ADAMTS6: variants seen among roughly 807,000 people sequenced by gnomAD.
ADAMTS6 encodes the protein ADAM metallopeptidase with thrombospondin type 1 motif 6, also known as A disintegrin and metalloproteinase with thrombospondin motifs 6.
Under a neutral mutation model 144.3 loss-of-function variants are expected in ADAMTS6, and 23 were observed. The ratio of observed to expected loss-of-function variants is 0.16; its 90% CI spans 0.11 to 0.23. The LOEUF is 0.23. Ranked by LOEUF, ADAMTS6 falls within the 10% of genes least tolerant of loss-of-function variation. The pLI is 1.00. For synonymous variants in ADAMTS6, 444 were observed against 457.5 expected (o/e 0.97, Z 0.38); for missense variants, 999 against 1,379.6 (o/e 0.72, Z 4.37).
intron 22 of ADAMTS6, among the ~76,000 whole-genome samples, chr5:65,182,325 C>T (rs1016261984): frequency 6.6e-6 from 1 of 151,498 alleles, no homozygotes; most frequent in African/African-American, 2.4e-5. Flanking sequence ...GTGGCACGTG[C>T]CTGTACTCCT....
chr5:65,373,373 A>C (rs535453763), intron 7 of ADAMTS6, among the ~76,000 whole-genome samples: 2 of 151,612 alleles, frequency 1.3e-5, no homozygotes, highest in Admixed American at 6.6e-5. Context: ...AGACTAATAA[A>C]GAAAAAAAGA....
rs6876060 is a variant in ADAMTS6 at position 65,389,297 on chromosome 5, C to A, written c.1074-55212G>T. Among the ~76,000 whole-genome samples, 891 of 152,208 alleles carry A rather than the reference C, an allele frequency of 5.9e-3. 13 individuals are homozygous for A. Among genetic ancestry groups the A allele is most frequent in the African/African-American group, 0.021 (856 of 41,542 alleles). ...AATAATTATCATACAGTGGTACAGG[C>A]ATACTAAGCCTCAGAGAAACCTGTG... is the stretch of plus-strand genomic sequence containing the variant. On this transcript the variant is annotated intron_variant, in intron 7 of 24. Coordinates refer to ENST00000381055, the MANE Select transcript of ADAMTS6 (RefSeq NM_197941.4).
At chr5:65,212,091 C>T (rs1234614273) in intron 20 of ADAMTS6, among the ~76,000 whole-genome samples, 3 of 152,154 alleles carry the variant, frequency 2.0e-5, no homozygotes, top group African/African-American at 2.4e-5. Context: ...CAGATTAATG[C>T]GCCCCACTCG....
chr5:65,304,929 C>T (rs183076857), intron 9 of ADAMTS6, among the ~76,000 whole-genome samples: 41 of 151,764 alleles, frequency 2.7e-4, no homozygotes, highest in African/African-American at 7.3e-4. Flanking sequence ...AAAAATGCTA[C>T]AGAAAACAAA....
intron 3 of ADAMTS6, among the ~76,000 whole-genome samples, chr5:65,464,614 A>G (rs73762007): frequency 0.039 from 5,962 of 152,240 alleles, 408 homozygotes; most frequent in African/African-American, 0.14. Context: ...CCATCCATGG[A>G]CCTAGTTTAA....
At chr5:65,222,233 T>C (rs557416064) in intron 18 of ADAMTS6, among the ~76,000 whole-genome samples, 1 of 152,320 alleles carries the variant, frequency 6.6e-6, no homozygotes, top group Non-Finnish European at 1.5e-5. Context: ...GGAAGCTCGA[T>C]TACTCAACAC....
chr5:65,460,638 C>A (rs1297631213), intron 3 of ADAMTS6, among the ~76,000 whole-genome samples: 2 of 152,302 alleles, frequency 1.3e-5, no homozygotes, highest in South Asian at 2.1e-4. Flanking sequence ...AACACTAAAA[C>A]TTATTTCAGT....
intron 7 of ADAMTS6, among the ~76,000 whole-genome samples, chr5:65,396,335 C>T (rs1753335126): frequency 6.6e-6 from 1 of 152,112 alleles, no homozygotes; most frequent in Non-Finnish European, 1.5e-5. Context: ...CAGTCTTCAT[C>T]TAAATTCAGA....
chr5:65,218,254 T>C (rs1757072575), intron 18 of ADAMTS6, among the ~76,000 whole-genome samples: 1 of 152,190 alleles, frequency 6.6e-6, no homozygotes, highest in African/African-American at 2.4e-5. Context: ...ATCATGCTTT[T>C]GCAGGAGGGC....
intron 21 of ADAMTS6, among the ~76,000 whole-genome samples, chr5:65,193,545 T>A (rs545977695): frequency 1.3e-5 from 2 of 152,158 alleles, no homozygotes; most frequent in South Asian, 4.1e-4. Context: ...TTTTCCCCTA[T>A]AAAATAATGA....
At chr5:65,232,859 T>G (rs1758366704) in intron 15 of ADAMTS6, among the ~76,000 whole-genome samples, 1 of 152,038 alleles carries the variant, frequency 6.6e-6, no homozygotes, top group Admixed American at 6.6e-5. Context: ...GAGGGCAGCA[T>G]TACCCTAATA....
At chr5:65,281,730 T>C (rs966037432) in intron 11 of ADAMTS6, among the ~76,000 whole-genome samples, 3 of 152,112 alleles carry the variant, frequency 2.0e-5, no homozygotes, top group Non-Finnish European at 4.4e-5. Flanking sequence ...GTAATAAAAA[T>C]ATATTTAGAA....
chr5:65,409,215 GTT>G (rs200098220), intron 7 of ADAMTS6, among the ~76,000 whole-genome samples: 1 of 152,022 alleles, frequency 6.6e-6, no homozygotes, highest in African/African-American at 2.4e-5. Context: ...TCAGGAGCTG[GTT>G]TTTTTAAAAG....
At chr5:65,456,402 T>G (rs1246283463) in intron 4 of ADAMTS6, among the ~76,000 whole-genome samples, 1 of 152,230 alleles carries the variant, frequency 6.6e-6, no homozygotes, top group Admixed American at 6.5e-5. Flanking sequence ...CATTGCCATC[T>G]GAAATAAGAT....
rs186166305 is a variant in ADAMTS6, at chr5:65,228,300, C to G, written c.1934-2081G>C. The stretch of plus-strand genomic sequence containing the variant: ...TTCAATTTTAACATTAATTATGTAA[C>G]GTAATATTTGATAGGCAGGACATAT... On this transcript the variant is annotated intron_variant, in intron 15 of 24. Coordinates refer to ENST00000381055, the MANE Select transcript of ADAMTS6 (RefSeq NM_197941.4). Among the ~76,000 whole-genome samples the G allele has an allele frequency of 2.6e-5, 4 of 152,074 alleles. No homozygotes were observed. The East Asian group carries it at 7.7e-4, about 29-fold the overall frequency.
intron 7 of ADAMTS6, among the ~76,000 whole-genome samples, chr5:65,379,850 A>G (rs751578835): frequency 1.3e-5 from 2 of 152,004 alleles, no homozygotes; most frequent in Non-Finnish European, 2.9e-5. Flanking sequence ...TTATATAAAT[A>G]ATTATATATG....
At chr5:65,448,926 A>C (rs1012034770) in intron 7 of ADAMTS6, among the ~76,000 whole-genome samples, 1 of 152,208 alleles carries the variant, frequency 6.6e-6, no homozygotes, top group Non-Finnish European at 1.5e-5. Flanking sequence ...AATTCTCAAA[A>C]ATATTTTTAC....
At chr5:65,427,318 T>C (rs2150209603) in intron 7 of ADAMTS6, among the ~76,000 whole-genome samples, 1 of 152,124 alleles carries the variant, frequency 6.6e-6, no homozygotes, top group Non-Finnish European at 1.5e-5. Flanking sequence ...ATTATTTTTT[T>C]TTAGAGACTG....
chr5:65,169,566 G>T (rs1753462149), intron 24 of ADAMTS6, among the ~76,000 whole-genome samples: 1 of 143,536 alleles, frequency 7.0e-6, no homozygotes, highest in African/African-American at 2.7e-5. Context: ...AAATCATGCT[G>T]CTATAAAGAC....
Sources: gnomAD v4.1 joint callset for allele counts (sites outside exome capture counted in the v4.1 genomes callset) on GRCh38, gnomAD v4.1.1 for gene constraint, MANE v1.5 for transcripts, NCBI Gene and HGNC (gene_info 2026-07-23, HGNC 2026-07-21) for gene names.